The following AFAP1L2 variants were observed in gnomAD, a reference collection of about 807,000 sequenced individuals.
AFAP1L2 encodes the protein actin filament-associated protein 1-like 2.
Under a neutral mutation model 99.3 loss-of-function variants are expected in AFAP1L2, and 46 were observed. The observed-to-expected ratio is 0.46, with a 90% CI of 0.37 to 0.59. The LOEUF (loss-of-function observed/expected upper bound fraction) is 0.59. AFAP1L2 is among the 20% of genes least tolerant of loss of function. The probability of loss-of-function intolerance (pLI) is 0.00; values close to 1 mark genes in which losing one functional copy is unlikely to be tolerated. For synonymous variants in AFAP1L2, 397 were observed against 419.1 expected, an observed-to-expected ratio of 0.95 and a Z score of 0.64; for missense variants, 959 against 1,034.9, an observed-to-expected ratio of 0.93 and a Z score of 1.01.
intron 1 of AFAP1L2, among the ~76,000 whole-genome samples, chr10:114,402,858 C>T (rs905505627): frequency 6.6e-6 from 1 of 152,130 alleles, no homozygotes; most frequent in Non-Finnish European, 1.5e-5. Context: ...CACCCCCATA[C>T]ACACACCCCA....
intron 2 of AFAP1L2, among the ~76,000 whole-genome samples, chr10:114,338,071 A>C (rs2048254532): frequency 6.6e-6 from 1 of 152,242 alleles, no homozygotes; most frequent in Non-Finnish European, 1.5e-5. Context: ...AGGCTAAGGC[A>C]GATGATTCCT....
At chr10:114,289,569 G>A in the AFAP1L2 span, 1 of 1,518,612 alleles carries the variant, frequency 6.6e-7, no homozygotes, top group South Asian at 1.2e-5. Context: ...TCATGACGAG[G>A]ATGGCAGCTC....
At chr10:114,312,185 G>A (rs969422412) in intron 7 of AFAP1L2, among the ~76,000 whole-genome samples, 2 of 152,042 alleles carry the variant, frequency 1.3e-5, no homozygotes, top group African/African-American at 4.8e-5. Context: ...GAAGATCGGT[G>A]GATTTGAGCA....
intron 1 of AFAP1L2, among the ~76,000 whole-genome samples, chr10:114,376,571 C>T (rs2054827706): frequency 6.6e-6 from 1 of 152,184 alleles, no homozygotes; most frequent in Non-Finnish European, 1.5e-5. Flanking sequence ...AGAATTCCAG[C>T]AATTACCTAA....
At chr10:114,318,678 AT>A (rs1016068269) in intron 5 of AFAP1L2, among the ~76,000 whole-genome samples, 15 of 140,122 alleles carry the variant, frequency 1.1e-4, no homozygotes, top group African/African-American at 3.6e-4. Flanking sequence ...GGAAGTGGAG[AT>A]TGCGGTGAGC....
the AFAP1L2 span, chr10:114,289,128 C>T: frequency 1.2e-6 from 2 of 1,614,054 alleles, no homozygotes; most frequent in Non-Finnish European, 8.5e-7. Context: ...GGCTGGACAC[C>T]AAACCCACCC....
intron 2 of AFAP1L2, among the ~76,000 whole-genome samples, chr10:114,335,930 T>G (rs2047903990): frequency 6.6e-6 from 1 of 152,136 alleles, no homozygotes; most frequent in Non-Finnish European, 1.5e-5. Context: ...GAAAAGGAAC[T>G]GGAAGAACAT....
intron 1 of AFAP1L2, among the ~76,000 whole-genome samples, chr10:114,403,082 A>G (rs1215183046): frequency 6.6e-6 from 1 of 152,234 alleles, no homozygotes; most frequent in African/African-American, 2.4e-5. Context: ...TTCAAGCACA[A>G]AACTGACGTG....
rs1235396099 is a variant in AFAP1L2 at position 114,346,211 on chromosome 10, TCCAGGTCCAG to T, written c.17-5490_17-5481del. 2.6e-5 allele frequency among the ~76,000 whole-genome samples: 4 copies of T among 152,250 alleles called. No homozygotes were observed. In the East Asian group the frequency reaches 7.8e-4, roughly 30 times the overall value. ...TTCCTCTCTGGATCCATATCATTGT[TCCAGGTCCAG>T]CCAGGCCCCTTCTCCAGAAAGCCAC... On this transcript the variant is annotated intron_variant, in intron 1 of 18. Coordinates refer to ENST00000304129, the MANE Select transcript of AFAP1L2 (RefSeq NM_001001936.3).
chr10:114,364,224 C>T (rs1457492413), intron 1 of AFAP1L2, among the ~76,000 whole-genome samples: 1 of 152,198 alleles, frequency 6.6e-6, no homozygotes, highest in Non-Finnish European at 1.5e-5. Context: ...AGGGGCCTGG[C>T]AGTCACCCCT....
rs2042841538 is a variant in AFAP1L2, at chr10:114,309,134, C to T, written c.883-617G>A. ...CGTTTAGAGAGTCACCGACTCCATA[C>T]CTCTGGAAAACAAGCTGACAGTCTC... is the stretch of plus-strand genomic sequence containing the variant. On this transcript the variant is annotated intron_variant, in intron 8 of 18. Transcript: ENST00000304129. 2.0e-5 allele frequency among the ~76,000 whole-genome samples: 3 copies of T among 152,210 alleles called. No homozygotes were observed. The East Asian group carries it at 5.8e-4, about 29-fold the overall frequency.
At chr10:114,312,492 C>T (rs115594317) in intron 7 of AFAP1L2, among the ~76,000 whole-genome samples, 379 of 152,224 alleles carry the variant, frequency 2.5e-3, no homozygotes, top group African/African-American at 8.9e-3. Context: ...CTCTGCAGCC[C>T]AGGACAAGCC....
chr10:114,287,282 G>A, the AFAP1L2 span, among the ~76,000 whole-genome samples: 8 of 152,288 alleles, frequency 5.3e-5, no homozygotes, highest in Middle Eastern at 6.8e-3. Flanking sequence ...CTGGGCTCAC[G>A]TGATCCTTCC....
At chr10:114,366,482 G>A (rs142197724) in intron 1 of AFAP1L2, among the ~76,000 whole-genome samples, 3 of 152,226 alleles carry the variant, frequency 2.0e-5, no homozygotes, top group African/African-American at 7.2e-5. Flanking sequence ...ACCAAAACCC[G>A]AGCCTGAAGA....
chr10:114,334,826 G>T (rs911158322), intron 2 of AFAP1L2, among the ~76,000 whole-genome samples: 1 of 152,214 alleles, frequency 6.6e-6, no homozygotes. Flanking sequence ...GGCAGGAGAC[G>T]GGGTCTCAAC....
At chr10:114,310,808 G>T (rs1334543024) in intron 7 of AFAP1L2, among the ~76,000 whole-genome samples, 1 of 152,224 alleles carries the variant, frequency 6.6e-6, no homozygotes, top group Non-Finnish European at 1.5e-5. Flanking sequence ...TCTGTTGCAG[G>T]CGTGATCAAC....
Position 114,360,485 on chromosome 10 carries a change from CTAGATAGATAGATAGATAGATAGTTAGA to C in AFAP1L2, c.17-19782_17-19755del, listed in dbSNP as rs1171229793. On this transcript the variant is annotated intron_variant, in intron 1 of 18. Coordinates refer to ENST00000304129, the MANE Select transcript of AFAP1L2 (RefSeq NM_001001936.3). ...GATAGATACCTCGATATCTCAATAT[CTAGATAGATAGATAGATAGATAGTTAGA>C]TAGATAGATAGATAGATAGATAGAT... Among the ~76,000 whole-genome samples the C allele has an allele frequency of 6.4e-3, 800 of 124,454 alleles. 10 individuals are homozygous for C. Among genetic ancestry groups the C allele is most frequent in the African/African-American group, 0.02 (734 of 36,418 alleles). The allele number at this position is 124,454 out of a possible 152,430, so 81.6% of individuals were successfully genotyped here.
upstream of AFAP1L2, chr10:114,404,696 G>A: frequency 2.3e-6 from 1 of 430,790 alleles, no homozygotes; most frequent in Non-Finnish European, 3.7e-6. Context: ...GAGGCTGACA[G>A]TCGGCTCTTG....
At position 114,300,258 on chromosome 10, in the gene AFAP1L2, G is replaced by A. The variant is rs149511076; in HGVS notation, c.1893C>T (p.Ala631=). The A allele has an allele frequency of 7.8e-5, 126 of 1,614,158 alleles. No individual in the cohort carries two copies. The South Asian group carries it at 8.8e-4, about 11-fold the overall frequency. The change falls in exon 15 of 19, where the codon GCC becomes GCT. Residue 631 remains alanine (A), a synonymous_variant. Coordinates refer to ENST00000304129, the MANE Select transcript of AFAP1L2 (RefSeq NM_001001936.3). ...RISFPPSCPD[A]VVATPPGASP... The stretch of plus-strand genomic sequence containing the variant: ...TGGCACCAGGTGGGGTGGCCACCAC[G>A]GCATCCGGGCAGCTCGGTGGGAAGG...
Sources: allele counts gnomAD v4.1 joint callset (sites outside exome capture counted in the v4.1 genomes callset), GRCh38; gene constraint gnomAD v4.1.1; transcripts MANE v1.5; gene names NCBI Gene and HGNC (gene_info 2026-07-23, HGNC 2026-07-21).